Variants in COLEC11 observed in about 807,000 individuals in gnomAD.
COLEC11 encodes collectin-11.
In COLEC11, 20 loss-of-function variants were observed where a neutral mutation model predicts 27.3. That is an observed-to-expected ratio of 0.73 (90% confidence interval 0.51 to 1.06). The LOEUF is 1.06. COLEC11 is among the 50% of genes least tolerant of loss of function. The pLI is 0.00. For synonymous variants in COLEC11, 163 were observed against 154.7 expected (o/e 1.05, Z -0.40); for missense variants, 310 against 383.0 (o/e 0.81, Z 1.59).
At chr2:3,643,595 G>GC in intron 6 of COLEC11, 56 bp downstream of exon 6, 6 of 1,599,338 alleles carry the variant, frequency 3.8e-6, no homozygotes, top group East Asian at 4.5e-5. Context: ...CCTGTCCTGA[G>GC]CCCCCCGGCA....
intron 3 of COLEC11, among the ~76,000 whole-genome samples, chr2:3,623,611 A>T (rs1480380641): frequency 6.6e-6 from 1 of 151,120 alleles, no homozygotes; most frequent in Non-Finnish European, 1.5e-5. Context: ...TTTAAATTTT[A>T]TTCATTCTGT....
chr2:3,603,613 G>C, intron 1 of COLEC11: 1 of 1,550,614 alleles, frequency 6.4e-7, no homozygotes, highest in Non-Finnish European at 8.7e-7. Context: ...CACTGCGCCT[G>C]GTCTTGTTTT....
chr2:3,635,230 C>T (rs11676130), intron 3 of COLEC11, among the ~76,000 whole-genome samples: 25,001 of 151,758 alleles, frequency 0.16, 2,154 homozygotes, highest in East Asian at 0.21. Context: ...GCCAGCTGTG[C>T]GTGCCTCATC....
intron 3 of COLEC11, chr2:3,617,816 C>T: frequency 1.4e-6 from 1 of 711,154 alleles, no homozygotes; most frequent in Non-Finnish European, 2.5e-6. Context: ...CCAGCAATGT[C>T]TAAGGGCTCG....
chr2:3,603,674 C>G lies in COLEC11; in HGVS notation c.-26-641C>G, dbSNP rs750372379. 24 of 1,550,872 alleles carry G rather than the reference C, an allele frequency of 1.5e-5. No homozygotes were observed. In the South Asian group the frequency reaches 2.9e-4, roughly 18 times the overall value. On this transcript the variant is annotated intron_variant, in intron 1 of 6. Transcript: ENST00000349077. The stretch of plus-strand genomic sequence containing the variant: ...AAGAAACAAAGAGGTCAGCACGTAC[C>G]CGCCCCTCCTGGGATGGTCAGATGT...
chr2:3,605,118 G>C (rs1193249851), intron 2 of COLEC11: 1 of 469,214 alleles, frequency 2.1e-6, no homozygotes, highest in Non-Finnish European at 4.4e-6. Context: ...CTACAAAGCA[G>C]AGGCAACAGG....
intron 3 of COLEC11, among the ~76,000 whole-genome samples, chr2:3,615,179 T>C (rs1265759666): frequency 6.6e-6 from 1 of 152,184 alleles, no homozygotes; most frequent in African/African-American, 2.4e-5. Context: ...CTTGGGTATT[T>C]CTCGCAGAGG....
chr2:3,596,401 G>A (rs367608821), intron 1 of COLEC11, among the ~76,000 whole-genome samples: 5 of 143,070 alleles, frequency 3.5e-5, no homozygotes, highest in Non-Finnish European at 6.0e-5. Context: ...CAATGGCACC[G>A]TCTTGGCTCA....
chr2:3,633,575 C>G lies in COLEC11; in HGVS notation c.203-3958C>G, dbSNP rs1031130288. On this transcript the variant is annotated intron_variant, in intron 3 of 6. Transcript: ENST00000349077. ...GTGAGGGTGCTGTGAGCGCGTCCAG[C>G]CTGATCTGGCAGCCTGGACCTCCTC... Among the ~76,000 whole-genome samples the G allele has an allele frequency of 3.9e-5, 6 of 152,144 alleles. No individual in the cohort carries two copies. The South Asian group carries it at 8.3e-4, about 21-fold the overall frequency.
intron 3 of COLEC11, among the ~76,000 whole-genome samples, chr2:3,629,566 G>A (rs1157258290): frequency 1.3e-5 from 2 of 152,218 alleles, no homozygotes; most frequent in Non-Finnish European, 2.9e-5. Flanking sequence ...GTATATATGT[G>A]CATGCATGTG....
At chr2:3,597,581 G>A (rs1661939792) in intron 1 of COLEC11, among the ~76,000 whole-genome samples, 2 of 152,100 alleles carry the variant, frequency 1.3e-5, no homozygotes, top group Admixed American at 1.3e-4. Context: ...AGTGAGGGCA[G>A]TAAAAGCCTT....
intron 2 of COLEC11, chr2:3,605,007 T>C (rs548013250): frequency 2.6e-5 from 12 of 469,432 alleles, no homozygotes; most frequent in Middle Eastern, 3.3e-4. Context: ...TGCTCCCGGA[T>C]AGAGATAGTT....
chr2:3,612,570 A>G (rs1031158517), intron 2 of COLEC11, among the ~76,000 whole-genome samples: 2 of 152,200 alleles, frequency 1.3e-5, no homozygotes, highest in African/African-American at 2.4e-5. Context: ...ATCTAGAGAC[A>G]TAATAGAATT....
intron 1 of COLEC11, among the ~76,000 whole-genome samples, chr2:3,603,227 C>G (rs1230782556): frequency 6.6e-6 from 1 of 152,260 alleles, no homozygotes; most frequent in African/African-American, 2.4e-5. Context: ...CCTCTCTCCC[C>G]TCCTGTCCCT....
intron 3 of COLEC11, among the ~76,000 whole-genome samples, chr2:3,624,280 G>A (rs1664375019): frequency 2.0e-5 from 3 of 152,088 alleles, no homozygotes; most frequent in Admixed American, 6.6e-5. Context: ...CAGAGTGTTG[G>A]GTGAAGCATG....
At chr2:3,641,419 A>G in intron 5 of COLEC11, 3 of 1,291,454 alleles carry the variant, frequency 2.3e-6, no homozygotes, top group Non-Finnish European at 3.1e-6. Flanking sequence ...TCTGGGAGAC[A>G]GAAGGACCTG....
chr2:3,635,027 C>T (rs560667694), intron 3 of COLEC11, among the ~76,000 whole-genome samples: 32 of 151,988 alleles, frequency 2.1e-4, no homozygotes, highest in African/African-American at 7.7e-4. Context: ...CCACTGGACA[C>T]TTCTCTCAGG....
chr2:3,606,105 G>A, intron 2 of COLEC11: 1 of 1,550,620 alleles, frequency 6.4e-7, no homozygotes, highest in South Asian at 1.2e-5. Flanking sequence ...GCGTGTGTGG[G>A]TTTGTGAGTG....
Position 3,637,514 on chromosome 2 carries a change from C to T in COLEC11, c.203-19C>T. 1 of 1,612,156 alleles carries T rather than the reference C, an allele frequency of 6.2e-7. No homozygotes were observed. Among genetic ancestry groups the T allele is most frequent in the Non-Finnish European group, 8.5e-7 (1 of 1,178,236 alleles). The stretch of plus-strand genomic sequence containing the variant: ...GTCACCTGTGCATCGACCAACTTTG[C>T]TCTTATTGTTTTCTACAGGAGACAT... On this transcript the variant is annotated intron_variant, in intron 3 of 6. Transcript: ENST00000349077.
Sources: allele counts gnomAD v4.1 joint callset (sites outside exome capture counted in the v4.1 genomes callset), GRCh38; gene constraint gnomAD v4.1.1; transcripts MANE v1.5; gene names NCBI Gene and HGNC (gene_info 2026-07-23, HGNC 2026-07-21).